FHIT: variants seen among roughly 807,000 people sequenced by gnomAD.
FHIT encodes bis(5'-adenosyl)-triphosphatase.
A neutral mutation model predicts 17.9 loss-of-function variants in FHIT; 19 were observed. The ratio of observed to expected loss-of-function variants is 1.06; its 90% confidence interval spans 0.74 to 1.56. FHIT has a LOEUF of 1.56. Ranked by LOEUF, FHIT falls within the 40% of genes most tolerant of loss-of-function variation. The pLI is 0.00. For synonymous variants in FHIT, 81 were observed against 69.7 expected, an observed-to-expected ratio of 1.16 and a Z score of -0.81; for missense variants, 248 against 189.2, an observed-to-expected ratio of 1.31 and a Z score of -1.82.
intron 7 of FHIT, among the ~76,000 whole-genome samples, chr3:60,002,969 T>C (rs556294204): frequency 1.3e-5 from 2 of 152,256 alleles, no homozygotes; most frequent in African/African-American, 4.8e-5. Flanking sequence ...GGCCCCACCC[T>C]CAGAGATTGG....
intron 3 of FHIT, among the ~76,000 whole-genome samples, chr3:61,030,851 G>C (rs1050165212): frequency 6.6e-6 from 1 of 152,168 alleles, no homozygotes; most frequent in African/African-American, 2.4e-5. Flanking sequence ...AAAGGGTAAA[G>C]CCTGTGCAAA....
chr3:60,534,520 G>A (rs1482709919), intron 5 of FHIT, among the ~76,000 whole-genome samples: 1 of 145,034 alleles, frequency 6.9e-6, no homozygotes, highest in Non-Finnish European at 1.5e-5. Flanking sequence ...AAAATAAAAA[G>A]TTACAAAATC....
rs186995033 is a variant in FHIT at position 60,142,936 on chromosome 3, A to C, written c.104-128784T>G. On this transcript the variant is annotated intron_variant, in intron 5 of 9. Transcript: ENST00000492590. The stretch of plus-strand genomic sequence containing the variant: ...AATAGGTTAAGTAAACAAATGTCAT[A>C]GACAAAACTAGAGTCAGGAACAAGA... Among the ~76,000 whole-genome samples, 40 of 152,316 alleles carry C rather than the reference A, an allele frequency of 2.6e-4. 1 individual carries two copies. Among genetic ancestry groups the C allele is most frequent in the Admixed American group, 2.4e-3 (37 of 15,298 alleles).
intron 5 of FHIT, among the ~76,000 whole-genome samples, chr3:60,523,146 T>G (rs970224364): frequency 2.6e-5 from 4 of 152,136 alleles, no homozygotes; most frequent in African/African-American, 9.7e-5. Context: ...ACGGGCTCCC[T>G]CCCATAACAC....
intron 5 of FHIT, among the ~76,000 whole-genome samples, chr3:60,165,230 G>A (rs758608449): frequency 9.2e-5 from 14 of 152,156 alleles, no homozygotes; most frequent in Non-Finnish European, 1.2e-4. Context: ...TCCACCACAC[G>A]CAGAGTAGAT....
At chr3:60,628,776 A>C (rs997854245) in intron 4 of FHIT, among the ~76,000 whole-genome samples, 92 of 152,166 alleles carry the variant, frequency 6.0e-4, no homozygotes, top group African/African-American at 2.2e-3. Flanking sequence ...CATTCCCCCC[A>C]CTGTTTCAAA....
chr3:60,813,117 G>C (rs1553736575), intron 4 of FHIT, among the ~76,000 whole-genome samples: 3 of 151,552 alleles, frequency 2.0e-5, no homozygotes, highest in Non-Finnish European at 4.4e-5. Flanking sequence ...TCATTATGAA[G>C]AAAGTAGGTT....
intron 2 of FHIT, among the ~76,000 whole-genome samples, chr3:61,131,370 T>C (rs1182950690): frequency 6.6e-6 from 1 of 152,184 alleles, no homozygotes; most frequent in Non-Finnish European, 1.5e-5. Flanking sequence ...AAAGTCAAAT[T>C]GGCAAAAAGG....
At chr3:60,613,076 T>C (rs1322247287) in intron 4 of FHIT, among the ~76,000 whole-genome samples, 3 of 152,172 alleles carry the variant, frequency 2.0e-5, no homozygotes, top group African/African-American at 7.2e-5. Context: ...CTCTGAATAT[T>C]AGTAGGGGAT....
At chr3:60,121,488 C>A (rs1015083202) in intron 5 of FHIT, among the ~76,000 whole-genome samples, 15 of 151,940 alleles carry the variant, frequency 9.9e-5, no homozygotes, top group African/African-American at 3.6e-4. Flanking sequence ...GAATTTGAGA[C>A]CAGCTTGGCC....
chr3:60,771,226 T>A (rs782336408), intron 4 of FHIT, among the ~76,000 whole-genome samples: 1 of 152,232 alleles, frequency 6.6e-6, no homozygotes, highest in African/African-American at 2.4e-5. Context: ...TAACTCTTCA[T>A]CTAGCTTTCA....
At chr3:61,126,379 A>G (rs2036608122) in intron 2 of FHIT, among the ~76,000 whole-genome samples, 2 of 152,226 alleles carry the variant, frequency 1.3e-5, no homozygotes, top group Admixed American at 1.3e-4. Flanking sequence ...TAAAGAAAAG[A>G]GGTTTAATTG....
intron 4 of FHIT, among the ~76,000 whole-genome samples, chr3:60,651,349 A>G (rs1577027872): frequency 6.6e-6 from 1 of 152,234 alleles, no homozygotes; most frequent in East Asian, 1.9e-4. Context: ...TTTCAGTAAA[A>G]CATATTTTCA....
At chr3:61,170,646 T>C (rs181013699) in intron 2 of FHIT, among the ~76,000 whole-genome samples, 6 of 152,306 alleles carry the variant, frequency 3.9e-5, no homozygotes, top group Non-Finnish European at 5.9e-5. Flanking sequence ...GTTCATGTGT[T>C]AGTTTGCTAA....
At chr3:60,189,830 A>G (rs1466752528) in intron 5 of FHIT, among the ~76,000 whole-genome samples, 5 of 152,192 alleles carry the variant, frequency 3.3e-5, no homozygotes, top group African/African-American at 1.2e-4. Context: ...AACATTCTGT[A>G]TTCTTCGGAG....
chr3:60,742,692 A>G (rs963810443), intron 4 of FHIT, among the ~76,000 whole-genome samples: 8 of 152,224 alleles, frequency 5.3e-5, no homozygotes, highest in African/African-American at 1.9e-4. Flanking sequence ...GTAATGAGTC[A>G]CCACTTTTGC....
chr3:59,925,106 CCTTCTTTT>C (rs1250516007), intron 7 of FHIT, among the ~76,000 whole-genome samples: 1 of 149,082 alleles, frequency 6.7e-6, no homozygotes, highest in Non-Finnish European at 1.5e-5. Context: ...CCCTTCCTTT[CCTTCTTTT>C]CTCTCTCCCC....
chr3:60,622,242 G>C (rs960389308), intron 4 of FHIT, among the ~76,000 whole-genome samples: 20 of 152,156 alleles, frequency 1.3e-4, no homozygotes, highest in Middle Eastern at 3.2e-3. Flanking sequence ...TGGCCGAAAA[G>C]ATCATCTGTG....
At chr3:60,336,050 G>A (rs115234866) in intron 5 of FHIT, among the ~76,000 whole-genome samples, 1 of 152,148 alleles carries the variant, frequency 6.6e-6, no homozygotes, top group Admixed American at 6.5e-5. Flanking sequence ...GCCTGTACAA[G>A]CAAGAAGCTG....
Sources: allele counts gnomAD v4.1 joint callset (sites outside exome capture counted in the v4.1 genomes callset), GRCh38; gene constraint gnomAD v4.1.1; transcripts MANE v1.5; gene names NCBI Gene and HGNC (gene_info 2026-07-23, HGNC 2026-07-21).